The following ROCK2 variants were observed in gnomAD, a reference collection of about 807,000 sequenced individuals.
ROCK2 encodes the protein rho-associated protein kinase 2.
ROCK2 carries 61 observed loss-of-function variants against 195.1 expected under a neutral mutation model. The observed-to-expected ratio is 0.31, with a 90% CI of 0.25 to 0.39. The LOEUF (loss-of-function observed/expected upper bound fraction) is 0.39, where lower values mean the gene tolerates loss of function less well. Ranked by LOEUF, ROCK2 falls within the 10% of genes least tolerant of loss-of-function variation. The probability of loss-of-function intolerance (pLI) is 1.00; values close to 1 mark genes in which losing one functional copy is unlikely to be tolerated. For synonymous variants in ROCK2, 504 were observed against 545.5 expected (o/e 0.92, Z 1.06); for missense variants, 1,109 against 1,637.4 (o/e 0.68, Z 5.57).
chr2:11,234,290 T>G (rs1310886912), intron 5 of ROCK2: 1 of 152,116 alleles, frequency 6.6e-6, no homozygotes, highest in East Asian at 1.9e-4. Flanking sequence ...TTAACCACCC[T>G]TATCTTCCCT....
intron 18 of ROCK2, among the ~76,000 whole-genome samples, chr2:11,208,821 G>A (rs1161169174): frequency 6.6e-6 from 1 of 151,856 alleles, no homozygotes; most frequent in South Asian, 2.1e-4. Context: ...TCAAACTCCT[G>A]GCCTCATGCA....
At chr2:11,325,523 G>A (rs1159454331) in intron 1 of ROCK2, among the ~76,000 whole-genome samples, 1 of 152,110 alleles carries the variant, frequency 6.6e-6, no homozygotes, top group Non-Finnish European at 1.5e-5. Flanking sequence ...GAAGAAAAAT[G>A]GTGCAGCTTC....
chr2:11,235,732 T>C lies in ROCK2; in HGVS notation c.693A>G (p.Ala231=), dbSNP rs1320030345. The change falls in exon 5 of 33, where the codon GCA becomes GCG. Residue 231 remains alanine (A), a synonymous_variant. Coordinates refer to ENST00000315872, the MANE Select transcript of ROCK2 (RefSeq NM_004850.5). The surrounding 1 kb of genome is among the most constrained non-coding windows in gnomAD (Gnocchi z 4.2). ...CCATCTTCATACACGTGCCAAAATC[T>C]GCTAATTTTAGATGTCCATGTTTAT... ...LLDKHGHLKL[A]DFGTCMKMDE... 1.2e-6 allele frequency: 2 copies of C among 1,612,528 alleles called. No individual in the cohort carries two copies. Among genetic ancestry groups the C allele is most frequent in the African/African-American group, 2.7e-5 (2 of 74,876 alleles).
intron 1 of ROCK2, among the ~76,000 whole-genome samples, chr2:11,305,444 T>TACAC (rs59533265): frequency 0.17 from 25,196 of 150,288 alleles, 2,584 homozygotes; most frequent in Admixed American, 0.29. Flanking sequence ...TGTGTGGGTG[T>TACAC]ACACACACAC....
In ROCK2 at chr2:11,214,407, C is replaced by A. The variant is rs1165643377; in HGVS notation, c.1993G>T (p.Val665Leu). Residue 665 changes from valine (V) to leucine (L), a missense_variant, in exon 17 of 33, where the codon GTA becomes TTA. Around this residue, in one of 6 missense-constraint regions of ROCK2, gnomAD observed 542 missense variants for 672.0 expected, o/e 0.81. Coordinates refer to ENST00000315872, the MANE Select transcript of ROCK2 (RefSeq NM_004850.5). ...TGAAGTTGTCTCTTCTCCAGTTCTA[C>A]TTTCGCTAGTAAGATTTTGCCGTTC... ...LKNGKILLAK[V>L]ELEKRQLQER... The A allele has an allele frequency of 6.2e-7, 1 of 1,611,048 alleles. No homozygotes were observed. Among genetic ancestry groups the A allele is most frequent in the African/African-American group, 1.3e-5 (1 of 74,856 alleles).
At position 11,183,121 on chromosome 2, in the gene ROCK2, C is replaced by A. The variant is rs1295253680; in HGVS notation, c.*316G>T. 1 of 250,654 alleles carries A rather than the reference C, an allele frequency of 4.0e-6. No homozygotes were observed. Among genetic ancestry groups the A allele is most frequent in the Non-Finnish European group, 7.7e-6 (1 of 130,642 alleles). 15.5% of individuals were successfully genotyped at this position (250,654 alleles called of 1,614,324 possible). ...AAGCTAGAAAAGATGTTTTCTTTAGCCTTTAACTCTTCTCAATCCTTGTGT... is the reference window on the plus strand; with the variant it reads ...AAGCTAGAAAAGATGTTTTCTTTAGACTTTAACTCTTCTCAATCCTTGTGT... On this transcript the variant is annotated 3_prime_UTR_variant, in exon 33 of 33. Coordinates refer to ENST00000315872, the MANE Select transcript of ROCK2 (RefSeq NM_004850.5).
At chr2:11,284,766 T>C (rs964161375) in intron 3 of ROCK2, among the ~76,000 whole-genome samples, 6 of 152,334 alleles carry the variant, frequency 3.9e-5, no homozygotes, top group Non-Finnish European at 7.3e-5. Context: ...AAGACAGTAC[T>C]GTTAAGCAAC....
rs1373601015 is a variant in ROCK2 at position 11,308,663 on chromosome 2, G to A, written c.142-20927C>T. ...TACTCCTGTGGCTTCAAGAAAAGAA[G>A]ATACATATGTTCATTTTAATGTGGA... On this transcript the variant is annotated intron_variant, in intron 1 of 32. Transcript: ENST00000315872. 15 of 1,478,358 alleles carry A rather than the reference G, an allele frequency of 1.0e-5. No individual in the cohort carries two copies. The East Asian group carries it at 3.2e-4, about 31-fold the overall frequency. The allele number at this position is 1,478,358 out of a possible 1,614,324, so 91.6% of individuals were successfully genotyped here.
At chr2:11,248,900 C>A (rs1572303298) in intron 4 of ROCK2, among the ~76,000 whole-genome samples, 1 of 151,050 alleles carries the variant, frequency 6.6e-6, no homozygotes, top group East Asian at 1.9e-4. Flanking sequence ...GTAACATAAG[C>A]TTCTTTTTTT....
intron 1 of ROCK2, among the ~76,000 whole-genome samples, chr2:11,313,223 GT>G (rs1668090840): frequency 6.6e-6 from 1 of 152,176 alleles, no homozygotes; most frequent in African/African-American, 2.4e-5. Flanking sequence ...AGGGGATGGA[GT>G]AGCTGTTACA....
intron 1 of ROCK2, among the ~76,000 whole-genome samples, chr2:11,329,092 AAAAG>A (rs895840081): frequency 1.3e-5 from 1 of 78,588 alleles, no homozygotes; most frequent in Non-Finnish European, 3.6e-5. Flanking sequence ...AAATGCAAAA[AAAAG>A]AAACAAAAAA....
In ROCK2 at chr2:11,198,481, T is replaced by G. The variant is rs185721017; in HGVS notation, c.3099+10A>C. ...AATTCAAAATCATATTTAGATTCTA[T>G]TATACATACTTGAGTTTTGAGTGTT... On this transcript the variant is annotated intron_variant, in intron 25 of 32. Transcript: ENST00000315872. The G allele has an allele frequency of 6.5e-7, 1 of 1,546,186 alleles. No homozygotes were observed. Among genetic ancestry groups the G allele is most frequent in the African/African-American group, 1.4e-5 (1 of 73,538 alleles).
At chr2:11,222,468 T>G (rs907871487) in intron 7 of ROCK2, among the ~76,000 whole-genome samples, 1 of 152,144 alleles carries the variant, frequency 6.6e-6, no homozygotes, top group South Asian at 2.1e-4. Context: ...AAAATTCACC[T>G]GCATGTGCCA....
At chr2:11,242,020 C>T (rs1219499093) in intron 4 of ROCK2, among the ~76,000 whole-genome samples, 1 of 152,104 alleles carries the variant, frequency 6.6e-6, no homozygotes, top group African/African-American at 2.4e-5. Flanking sequence ...TGTGAGGACA[C>T]AGAGACAAGG....
chr2:11,245,982 G>T (rs1199222782), intron 4 of ROCK2, among the ~76,000 whole-genome samples: 1 of 152,148 alleles, frequency 6.6e-6, no homozygotes, highest in Non-Finnish European at 1.5e-5. Flanking sequence ...CAAGTAAACA[G>T]AGAAATATTT....
chr2:11,188,658 C>CT (rs1663297251), intron 32 of ROCK2, among the ~76,000 whole-genome samples: 1 of 151,534 alleles, frequency 6.6e-6, no homozygotes, highest in Non-Finnish European at 1.5e-5. Context: ...CGGAGTCTCA[C>CT]TGTCGCCCAG....
At chr2:11,268,981 T>C (rs927058789) in intron 3 of ROCK2, among the ~76,000 whole-genome samples, 1 of 152,212 alleles carries the variant, frequency 6.6e-6, no homozygotes, top group South Asian at 2.1e-4. Flanking sequence ...GACTCAGTAA[T>C]CTTCATTTTA....
At chr2:11,211,906 TA>T in intron 17 of ROCK2, 66 bp from the exon 18 acceptor site, 3 of 1,281,872 alleles carry the variant, frequency 2.3e-6, no homozygotes, top group Admixed American at 5.3e-5. Flanking sequence ...AAAAGCTTTC[TA>T]ATTTTTTTTT....
chr2:11,248,363 A>G (rs1665696375), intron 4 of ROCK2, among the ~76,000 whole-genome samples: 1 of 152,062 alleles, frequency 6.6e-6, no homozygotes, highest in Admixed American at 6.6e-5. Flanking sequence ...TTTACTTACT[A>G]GTATAAAAAA....
Sources: allele counts gnomAD v4.1 joint callset (sites outside exome capture counted in the v4.1 genomes callset), GRCh38; gene constraint gnomAD v4.1.1; regional missense constraint gnomAD v4.1.1; non-coding constraint Gnocchi (gnomAD v3.1); transcripts MANE v1.5; gene names NCBI Gene and HGNC (gene_info 2026-07-23, HGNC 2026-07-21).